ACYP2: variants seen among roughly 807,000 people sequenced by gnomAD.
The protein encoded by ACYP2 is acylphosphatase-2.
Under a neutral mutation model 11.2 loss-of-function variants are expected in ACYP2, and 12 were observed. That is an observed-to-expected ratio of 1.08 (90% CI 0.69 to 1.74). The LOEUF (loss-of-function observed/expected upper bound fraction) is 1.74. ACYP2 is among the 40% of genes most tolerant of loss of function. The pLI, the probability that ACYP2 is intolerant of heterozygous loss-of-function variation, is 0.00. For missense variants in ACYP2, 134 were observed against 101.9 expected, an observed-to-expected ratio of 1.31 and a Z score of -1.35; for synonymous variants, 43 against 32.2, an observed-to-expected ratio of 1.33 and a Z score of -1.13.
intron 6 of ACYP2, among the ~76,000 whole-genome samples, chr2:54,143,758 G>C (rs57241201): frequency 5.3e-5 from 4 of 75,046 alleles, no homozygotes; most frequent in East Asian, 3.4e-4. Flanking sequence ...TTTTTTTTTT[G>C]GGGGGGGGGT....
At chr2:54,013,273 G>C (rs1299240022) in intron 2 of ACYP2, among the ~76,000 whole-genome samples, 21 of 126,630 alleles carry the variant, frequency 1.7e-4, no homozygotes, top group African/African-American at 7.7e-4. Flanking sequence ...GTGTGTGTGT[G>C]TGTGTGTGTG....
chr2:54,005,703 C>A (rs576896579), intron 2 of ACYP2, among the ~76,000 whole-genome samples: 1 of 152,300 alleles, frequency 6.6e-6, no homozygotes, highest in Non-Finnish European at 1.5e-5. Context: ...TCATTTGACA[C>A]ATTTATACAT....
At chr2:54,209,066 G>C (rs17045645) in intron 6 of ACYP2, among the ~76,000 whole-genome samples, 3,648 of 150,272 alleles carry the variant, frequency 0.024, 85 homozygotes, top group Non-Finnish European at 0.027. Context: ...AATGAAGCTA[G>C]GAATGTTTGC....
intron 6 of ACYP2, among the ~76,000 whole-genome samples, chr2:54,228,396 A>C (rs1686095521): frequency 6.6e-6 from 1 of 152,218 alleles, no homozygotes; most frequent in Non-Finnish European, 1.5e-5. Context: ...TTCATGTGTA[A>C]GGCAGGTAGT....
chr2:54,041,904 C>T (rs769390720), intron 2 of ACYP2, among the ~76,000 whole-genome samples: 2 of 152,182 alleles, frequency 1.3e-5, no homozygotes, highest in Non-Finnish European at 2.9e-5. Flanking sequence ...AATCCTCCCG[C>T]CTCAGCCTCC....
chr2:54,256,687 G>T (rs931191539), intron 6 of ACYP2, among the ~76,000 whole-genome samples: 3 of 152,218 alleles, frequency 2.0e-5, no homozygotes, highest in Admixed American at 2.0e-4. Flanking sequence ...TGTCGCCGAG[G>T]CTGGAGTACA....
At chr2:53,991,997 T>C (rs1170907579) in intron 2 of ACYP2, among the ~76,000 whole-genome samples, 1 of 151,908 alleles carries the variant, frequency 6.6e-6, no homozygotes, top group Admixed American at 6.6e-5. Context: ...CCAAGCTTTT[T>C]CACAATGTAA....
At chr2:54,256,645 G>A (rs1687552717) in intron 6 of ACYP2, among the ~76,000 whole-genome samples, 1 of 152,028 alleles carries the variant, frequency 6.6e-6, no homozygotes, top group South Asian at 2.1e-4. Flanking sequence ...CCACTCTGTG[G>A]GGTTACTTTT....
chr2:54,270,855 A>G (rs1452983867), intron 6 of ACYP2, among the ~76,000 whole-genome samples: 1 of 152,230 alleles, frequency 6.6e-6, no homozygotes, highest in Admixed American at 6.5e-5. Flanking sequence ...TTTAACAAAC[A>G]GTAAATAACT....
At chr2:54,250,875 T>C (rs1687191482) in intron 6 of ACYP2, among the ~76,000 whole-genome samples, 1 of 152,218 alleles carries the variant, frequency 6.6e-6, no homozygotes, top group African/African-American at 2.4e-5. Flanking sequence ...ATAGGTATTG[T>C]TTGAAATTGT....
intron 4 of ACYP2, among the ~76,000 whole-genome samples, chr2:54,131,597 G>A (rs571914233): frequency 6.6e-5 from 10 of 152,110 alleles, no homozygotes; most frequent in South Asian, 2.1e-4. Flanking sequence ...CATGTAATTC[G>A]TCTGACTTGT....
At chr2:54,122,126 A>G (rs1226254166) in intron 4 of ACYP2, among the ~76,000 whole-genome samples, 1 of 152,248 alleles carries the variant, frequency 6.6e-6, no homozygotes, top group South Asian at 2.1e-4. Context: ...GTAAGGCAGC[A>G]TATAGATCAC....
intron 6 of ACYP2, among the ~76,000 whole-genome samples, chr2:54,146,423 A>G (rs1400125765): frequency 6.0e-5 from 9 of 149,024 alleles, no homozygotes; most frequent in Non-Finnish European, 1.2e-4. Context: ...GAACTTCTGT[A>G]TGGACCTGAT....
At chr2:54,080,731 T>C (rs1677602400) in intron 4 of ACYP2, among the ~76,000 whole-genome samples, 1 of 151,976 alleles carries the variant, frequency 6.6e-6, no homozygotes, top group African/African-American at 2.4e-5. Flanking sequence ...CAGGTGATCC[T>C]CCCACCTCGG....
At chr2:54,127,623 C>T (rs1239022750) in intron 4 of ACYP2, among the ~76,000 whole-genome samples, 1 of 151,898 alleles carries the variant, frequency 6.6e-6, no homozygotes, top group Admixed American at 6.6e-5. Flanking sequence ...TGGCATGCAC[C>T]TGTAGTCCCA....
At chr2:53,974,029 C>G (rs1247014872) in intron 2 of ACYP2, among the ~76,000 whole-genome samples, 4 of 150,850 alleles carry the variant, frequency 2.7e-5, no homozygotes, top group Admixed American at 6.6e-5. Flanking sequence ...GCCTCAGCGC[C>G]TCGAGTAGCT....
intron 6 of ACYP2, among the ~76,000 whole-genome samples, chr2:54,233,305 CTTTTT>C (rs1213428258): frequency 7.7e-6 from 1 of 129,222 alleles, no homozygotes; most frequent in Non-Finnish European, 1.6e-5. Context: ...CCCTTCCAAA[CTTTTT>C]TTTTTTTTTT....
At chr2:54,014,803 G>A (rs1249852764) in intron 2 of ACYP2, among the ~76,000 whole-genome samples, 1 of 150,760 alleles carries the variant, frequency 6.6e-6, no homozygotes, top group Non-Finnish European at 1.5e-5. Flanking sequence ...TCTGTCCCCT[G>A]GGCTGGAGTA....
intron 4 of ACYP2, among the ~76,000 whole-genome samples, chr2:54,081,422 A>T (rs973715820): frequency 6.6e-6 from 1 of 152,146 alleles, no homozygotes; most frequent in Admixed American, 6.6e-5. Flanking sequence ...TTTTTATTGT[A>T]CCTTCTCTAT....
Sources: gnomAD v4.1 joint callset for allele counts (sites outside exome capture counted in the v4.1 genomes callset) on GRCh38, gnomAD v4.1.1 for gene constraint, MANE v1.5 for transcripts, NCBI Gene and HGNC (gene_info 2026-07-23, HGNC 2026-07-21) for gene names.